APLP1: variants seen among roughly 807,000 people sequenced by gnomAD.
APLP1 encodes the protein amyloid beta precursor like protein 1, also known as amyloid beta (A4) precursor-like protein 1.
In APLP1, 46 loss-of-function variants were observed where a neutral mutation model predicts 84.5. That is an observed-to-expected ratio of 0.54 (90% confidence interval 0.43 to 0.70). The LOEUF is 0.70. Among genes scored for constraint, APLP1 ranks in the 30% least tolerant of loss-of-function variants. The pLI, the probability that APLP1 is intolerant of heterozygous loss-of-function variation, is 0.00. For synonymous variants in APLP1, 376 were observed against 364.0 expected, an observed-to-expected ratio of 1.03 and a Z score of -0.38; for missense variants, 826 against 900.2, an observed-to-expected ratio of 0.92 and a Z score of 1.05.
At chr19:35,871,503 G>C in intron 4 of APLP1, 109 bp from the exon 5 acceptor site, 1 of 1,457,518 alleles carries the variant, frequency 6.9e-7, no homozygotes, top group Non-Finnish European at 9.5e-7. Context: ...TCCTCTAGAA[G>C]CAGGAATCCA....
chr19:35,877,817 C>G lies in APLP1; in HGVS notation c.1544C>G (p.Ser515Cys). The change falls in exon 12 of 17, where the codon TCC becomes TGC. Residue 515 changes from serine (S) to cysteine (C), a missense_variant. This residue lies in a region of APLP1 where 433 missense variants were observed against 496.5 expected (regional missense o/e 0.87). Coordinates refer to ENST00000221891, the MANE Select transcript of APLP1 (RefSeq NM_001024807.3). ...AAGGGTGGGCTGCAGCCTCCAGATTCCAAGGATGGTGAGTGAGCCCACATA... is the reference window on the plus strand; with the variant it reads ...AAGGGTGGGCTGCAGCCTCCAGATTGCAAGGATGGTGAGTGAGCCCACATA... ...EDKGGLQPPD[S>C]KDADTPMTLP... 6.2e-7 allele frequency: 1 copy of G among 1,609,350 alleles called. No individual in the cohort carries two copies. The highest frequency in any genetic ancestry group is 8.5e-7 in the Non-Finnish European group (1 of 1,178,472).
At chr19:35,877,330 A>C (rs561321752) in intron 11 of APLP1, among the ~76,000 whole-genome samples, 1 of 152,158 alleles carries the variant, frequency 6.6e-6, no homozygotes, top group Non-Finnish European at 1.5e-5. Context: ...CTTTACTAAA[A>C]ATACAAAAAT....
At chr19:35,871,445 A>G in intron 4 of APLP1, 96 bp downstream of exon 4, 3 of 1,352,516 alleles carry the variant, frequency 2.2e-6, no homozygotes, top group Non-Finnish European at 3.1e-6. Flanking sequence ...CTGGGCCACC[A>G]GCATCCTCTT....
Position 35,872,165 on chromosome 19 carries a change from G to A in APLP1, c.850+129G>A, listed in dbSNP as rs1391559951. 2.5e-6 allele frequency: 3 copies of A among 1,216,874 alleles called. No homozygotes were observed. In the Admixed American group the frequency reaches 7.6e-5, roughly 31 times the overall value. The allele number at this position is 1,216,874 out of a possible 1,614,324, so 75.4% of individuals were successfully genotyped here. ...GCCCAACTGAGGAGAAAAGACGAGA[G>A]TATCTTTGGATAAAATAGAAGTAGA... On this transcript the variant is annotated intron_variant, in intron 6 of 16. Transcript: ENST00000221891.
intron 11 of APLP1, among the ~76,000 whole-genome samples, chr19:35,877,146 T>G (rs16970737): frequency 0.11 from 16,228 of 152,194 alleles, 1,742 homozygotes; most frequent in African/African-American, 0.28. Context: ...ATCTATTGTG[T>G]CTTTCTCCTG....
Position 35,876,578 on chromosome 19 carries a change from A to G in APLP1, c.1406A>G (p.Gln469Arg). The G allele has an allele frequency of 6.2e-7, 1 of 1,613,684 alleles. No individual in the cohort carries two copies. The highest frequency in any genetic ancestry group is 2.2e-5 in the East Asian group (1 of 44,840). ...AATCAGAGCCTGGGCCTGCTTGACC[A>G]GAACCCCCACCTGGCTCAGGAGCTG... Reference protein sequence around the residue: ...RVNQSLGLLDQNPHLAQELRP... With the variant: ...RVNQSLGLLDRNPHLAQELRP... Residue 469 changes from glutamine (Q) to arginine (R), a missense_variant, in exon 11 of 17, where the codon CAG (glutamine) becomes CGG (arginine). By Grantham distance (43) the Gln-to-Arg change is conservative. This residue lies in a region of APLP1 where 433 missense variants were observed against 496.5 expected (regional missense o/e 0.87). Coordinates refer to ENST00000221891, the MANE Select transcript of APLP1 (RefSeq NM_001024807.3).
chr19:35,871,138 G>C, intron 3 of APLP1, 99 bp from the exon 4 acceptor site: 1 of 1,522,878 alleles, frequency 6.6e-7, no homozygotes, highest in Non-Finnish European at 8.9e-7. Flanking sequence ...TGTCCTAAGT[G>C]GGGCAGAGAA....
In APLP1 at chr19:35,871,639, C is replaced by T. The variant is rs1244427534; in HGVS notation, c.565C>T (p.His189Tyr). Residue 189 changes from histidine (H) to tyrosine (Y), a missense_variant, in exon 5 of 17, where the codon CAC becomes TAC. By Grantham distance (83) the His-to-Tyr change is moderately conservative. Transcript: ENST00000221891. ...CTGCAGCTCCCAGGGCCTCATCCTG[C>T]ACGGCTCGGGCATGCTCTTACCCTG... ...EACSSQGLIL[H>Y]GSGMLLPCGS... The T allele has an allele frequency of 2.5e-6, 4 of 1,614,118 alleles. No individual in the cohort carries two copies. Among genetic ancestry groups the T allele is most frequent in the Non-Finnish European group, 8.5e-7 (1 of 1,180,016 alleles).
At chr19:35,877,539 C>G (rs565127545) in intron 11 of APLP1, among the ~76,000 whole-genome samples, 179 bp from the exon 12 acceptor site, 7 of 151,944 alleles carry the variant, frequency 4.6e-5, no homozygotes, top group Non-Finnish European at 7.4e-5. Flanking sequence ...CAGCCTCCAT[C>G]CTTCCTGCCA....
chr19:35,869,907 C>A (rs1452010200), intron 2 of APLP1, 97 bp downstream of exon 2: 2 of 1,460,520 alleles, frequency 1.4e-6, no homozygotes, highest in Non-Finnish European at 1.8e-6. Context: ...GGCGTGGAGG[C>A]TGGGGGGCGT....
rs115008807 is a variant in APLP1 at position 35,874,915 on chromosome 19, C to T, written c.1344+46C>T. On this transcript the variant is annotated intron_variant, in intron 10 of 16. Coordinates refer to ENST00000221891, the MANE Select transcript of APLP1 (RefSeq NM_001024807.3). This position sits in a 1 kb window ranked among gnomAD's most constrained non-coding sequence, Gnocchi z 6.4. ...CCCAAATGCGCCGCTATTCCTCAGACGCCCGCGCCTCAGGCTCTTCTCTTG... is the reference window on the plus strand; with the variant it reads ...CCCAAATGCGCCGCTATTCCTCAGATGCCCGCGCCTCAGGCTCTTCTCTTG... 1.4e-5 allele frequency: 23 copies of T among 1,589,728 alleles called. No individual in the cohort carries two copies. In the African/African-American group the frequency reaches 2.1e-4, roughly 15 times the overall value.
intron 13 of APLP1, 195 bp from the exon 14 acceptor site, chr19:35,878,389 T>G (rs1014951018): frequency 4.4e-5 from 29 of 656,130 alleles, no homozygotes; most frequent in Non-Finnish European, 7.4e-5. Context: ...CTACAAATAA[T>G]TTAAAAATTA....
rs1974152025 is a variant in APLP1, at chr19:35,871,709, C to T, written c.635C>T (p.Pro212Leu). The change falls in exon 5 of 17, where the codon CCT (proline) becomes CTT (leucine). Residue 212 changes from proline (P) to leucine (L), a missense_variant. By Grantham distance (98) the Pro-to-Leu change is moderately conservative (BLOSUM62 -3). This residue lies in a region of APLP1 where 383 missense variants were observed against 378.3 expected (regional missense o/e 1.01). Transcript: ENST00000221891. Reference protein sequence around the residue: ...FRGVEYVCCPPPGTPDPSGTA... With the variant: ...FRGVEYVCCPLPGTPDPSGTA... The stretch of plus-strand genomic sequence containing the variant: ...GGTGTGGAGTATGTGTGCTGTCCCC[C>T]TCCAGGGACCCCCGACCCATCTGGG... 3.7e-6 allele frequency: 6 copies of T among 1,613,996 alleles called. No individual in the cohort carries two copies. The highest frequency in any genetic ancestry group is 1.1e-5 in the South Asian group (1 of 91,086).
intron 4 of APLP1, 77 bp from the exon 5 acceptor site, chr19:35,871,528 TCAACCCC>T: frequency 6.4e-7 from 1 of 1,551,510 alleles, no homozygotes; most frequent in Non-Finnish European, 8.8e-7. Context: ...CCCAGCCTCA[TCAACCCC>T]CAACCCTGGC....
rs1974212181 is a variant in APLP1 at position 35,873,636 on chromosome 19, C to G, written c.982-3C>G. ...GGATCCTGAAGCTCCCCTCCCTATG[C>G]AGGTGATGCGTGAATGGGCCATGGC... On this transcript the variant is annotated splice_polypyrimidine_tract_variant and splice_region_variant and intron_variant, in intron 7 of 16. Transcript: ENST00000221891. The G allele has an allele frequency of 1.2e-6, 2 of 1,614,048 alleles. No homozygotes were observed. Among genetic ancestry groups the G allele is most frequent in the Admixed American group, 1.7e-5 (1 of 60,010 alleles).
At chr19:35,870,244 A>C in intron 2 of APLP1, 1 of 210,026 alleles carries the variant, frequency 4.8e-6, no homozygotes, top group South Asian at 7.7e-5. Context: ...GCGGGGCCTA[A>C]AGGAGGGTGA....
rs533275512 is a variant in APLP1, at chr19:35,871,832, G to A, written c.672-26G>A. The A allele has an allele frequency of 1.1e-4, 176 of 1,613,216 alleles. 3 individuals are homozygous for A. In the South Asian group the frequency reaches 1.7e-3, roughly 16 times the overall value. On this transcript the variant is annotated intron_variant, in intron 5 of 16. Coordinates refer to ENST00000221891, the MANE Select transcript of APLP1 (RefSeq NM_001024807.3). Reference sequence around the variant, plus strand: ...GGGAGCCCAGGCCTGGGTTCTTACTGCCTGGGTCCTCTCCTGCTCCCTCAG... The same window carrying A: ...GGGAGCCCAGGCCTGGGTTCTTACTACCTGGGTCCTCTCCTGCTCCCTCAG...
At position 35,874,585 on chromosome 19, in the gene APLP1, G is replaced by A. The variant is rs751820034; in HGVS notation, c.1138G>A (p.Val380Ile). ...QRLVETHATR[V>I]IALINDQRRA... The stretch of plus-strand genomic sequence containing the variant: ...CCTGGTGGAAACCCACGCCACCCGC[G>A]TCATCGCCCTTATCAACGACCAGCG... The change falls in exon 9 of 17, where the codon GTC (valine) becomes ATC (isoleucine). Residue 380 changes from valine (V) to isoleucine (I), a missense_variant. Transcript: ENST00000221891. The surrounding 1 kb of genome is among the most constrained non-coding windows in gnomAD (Gnocchi z 6.4). 2.3e-5 allele frequency: 37 copies of A among 1,614,052 alleles called. No homozygotes were observed. The highest frequency in any genetic ancestry group is 1.2e-4 in the Admixed American group (7 of 60,014).
chr19:35,875,158 G>A (rs1974251538), intron 10 of APLP1, among the ~76,000 whole-genome samples: 1 of 131,170 alleles, frequency 7.6e-6, no homozygotes, highest in Admixed American at 7.6e-5. Context: ...TCCCAGAATC[G>A]TCTTTTTTTT....
Sources: gnomAD v4.1 joint callset for allele counts (sites outside exome capture counted in the v4.1 genomes callset) on GRCh38, gnomAD v4.1.1 for gene constraint, gnomAD v4.1.1 regional missense constraint, Gnocchi (gnomAD v3.1) non-coding constraint, MANE v1.5 for transcripts, NCBI Gene and HGNC (gene_info 2026-07-23, HGNC 2026-07-21) for gene names.